Variants in ADSS2 observed in about 807,000 individuals in gnomAD.
The protein encoded by ADSS2 is adenylosuccinate synthase 2.
ADSS2 carries 30 observed loss-of-function variants against 60.0 expected under a neutral mutation model. The ratio of observed to expected loss-of-function variants is 0.50; its 90% CI spans 0.37 to 0.68. The LOEUF (loss-of-function observed/expected upper bound fraction) is 0.68. Among genes scored for constraint, ADSS2 ranks in the 30% least tolerant of loss-of-function variants. The pLI is 0.00. For synonymous variants in ADSS2, 187 were observed against 193.1 expected (o/e 0.97, Z 0.26); for missense variants, 373 against 554.8 (o/e 0.67, Z 3.29).
At chr1:244,437,013 G>A in intron 2 of ADSS2, 120 bp from the exon 3 acceptor site, 1 of 760,114 alleles carries the variant, frequency 1.3e-6, no homozygotes, top group Non-Finnish European at 2.1e-6. Context: ...TTACACAGGA[G>A]TATAATTTAA....
intron 1 of ADSS2, among the ~76,000 whole-genome samples, chr1:244,445,419 T>C (rs1665360518): frequency 6.6e-6 from 1 of 152,244 alleles, no homozygotes. Flanking sequence ...AGGAATGATA[T>C]AATAGTATTT....
intron 5 of ADSS2, 89 bp from the exon 6 acceptor site, chr1:244,424,149 G>T: frequency 1.6e-6 from 2 of 1,225,320 alleles, no homozygotes; most frequent in Non-Finnish European, 2.3e-6. Flanking sequence ...AGTTACATAT[G>T]ACTATTTTCT....
chr1:244,435,299 G>A (rs952520821), intron 3 of ADSS2, among the ~76,000 whole-genome samples: 1 of 151,106 alleles, frequency 6.6e-6, no homozygotes, highest in African/African-American at 2.4e-5. Context: ...TGTATTACAG[G>A]TTGAGTCTCC....
At chr1:244,448,370 T>G (rs1324164973) in intron 1 of ADSS2, among the ~76,000 whole-genome samples, 1 of 152,236 alleles carries the variant, frequency 6.6e-6, no homozygotes, top group Non-Finnish European at 1.5e-5. Context: ...TAATATTTTT[T>G]CAGTATGTTT....
At position 244,437,815 on chromosome 1, in the gene ADSS2, A is replaced by C. The variant is rs761122673; in HGVS notation, c.184-47T>G. 14 of 1,351,192 alleles carry C rather than the reference A, an allele frequency of 1.0e-5. No homozygotes were observed. The South Asian group carries it at 1.6e-4, about 16-fold the overall frequency. The allele number at this position is 1,351,192 out of a possible 1,614,324, so 83.7% of individuals were successfully genotyped here. On this transcript the variant is annotated intron_variant, in intron 1 of 12. Transcript: ENST00000366535. Reference sequence around the variant, plus strand: ...AATTGAGCCTGATGATAAATACTACAAATAACCTATCTCCCTCCAAAGTGA... The same window carrying C: ...AATTGAGCCTGATGATAAATACTACCAATAACCTATCTCCCTCCAAAGTGA...
At chr1:244,434,510 T>C (rs1258106460) in intron 3 of ADSS2, among the ~76,000 whole-genome samples, 1 of 152,250 alleles carries the variant, frequency 6.6e-6, no homozygotes, top group Non-Finnish European at 1.5e-5. Flanking sequence ...TTTTAAAATA[T>C]ATTCCTTATA....
rs1349544549 is a variant in ADSS2, at chr1:244,451,345, C to G, written c.183+290G>C. Among the ~76,000 whole-genome samples the G allele has an allele frequency of 6.6e-6, 1 of 152,186 alleles. No individual in the cohort carries two copies. The highest frequency in any genetic ancestry group is 6.5e-5 in the Admixed American group (1 of 15,284). ...AGTCCCGGCGCTGAGCACCACTCGC[C>G]AGACGCAAAACTGCAACTGCCAGGC... On this transcript the variant is annotated intron_variant, in intron 1 of 12. Coordinates refer to ENST00000366535, the MANE Select transcript of ADSS2 (RefSeq NM_001126.5). This position sits in a 1 kb window ranked among gnomAD's most constrained non-coding sequence, Gnocchi z 6.6.
intron 3 of ADSS2, among the ~76,000 whole-genome samples, chr1:244,434,252 A>C (rs981665542): frequency 6.6e-6 from 1 of 151,882 alleles, no homozygotes; most frequent in Non-Finnish European, 1.5e-5. Context: ...GCTACTCGGG[A>C]GGCCGAAGCA....
rs142102289 is a variant in ADSS2 at position 244,437,682 on chromosome 1, A to T, written c.270T>A (p.Asn90Lys). 13 of 1,590,222 alleles carry T rather than the reference A, an allele frequency of 8.2e-6. No individual in the cohort carries two copies. The East Asian group carries it at 2.7e-4, about 33-fold the overall frequency. ...TATACTTACCAATGAATGCAGTGAC[A>T]TTTGGATTAATTATTCCACTGGGTA... The part of the protein sequence containing the change: ...HLLPSGIINP[N>K]VTAFIGNGVV... Residue 90 changes from asparagine (N) to lysine (K), a missense_variant, in exon 2 of 13, where the codon AAT becomes AAA. Asn to Lys is a moderately conservative substitution (Grantham distance 94). Transcript: ENST00000366535.
chr1:244,426,174 C>G (rs143091912), intron 4 of ADSS2, among the ~76,000 whole-genome samples: 43 of 152,224 alleles, frequency 2.8e-4, no homozygotes, highest in Non-Finnish European at 2.2e-4. Context: ...CCTGATTTTG[C>G]AAATCAGTCA....
At chr1:244,440,155 T>C (rs1448578805) in intron 1 of ADSS2, among the ~76,000 whole-genome samples, 1 of 152,220 alleles carries the variant, frequency 6.6e-6, no homozygotes, top group Non-Finnish European at 1.5e-5. Flanking sequence ...AGGTGCTTTT[T>C]TGTGTGGATA....
rs766537315 is a variant in ADSS2 at position 244,422,864 on chromosome 1, C to G, written c.634G>C (p.Asp212His). 2 of 1,599,584 alleles carry G rather than the reference C, an allele frequency of 1.3e-6. No individual in the cohort carries two copies. The highest frequency in any genetic ancestry group is 8.6e-7 in the Non-Finnish European group (1 of 1,167,516). The part of the protein sequence containing the change: ...YKSIYPTLEI[D>H]IEGELQKLKG... ...AGTTTTTGTAATTCACCTTCAATGTCTATTTCCAAAGTGGGGTATATAGAT... is the reference window on the plus strand; with the variant it reads ...AGTTTTTGTAATTCACCTTCAATGTGTATTTCCAAAGTGGGGTATATAGAT... Residue 212 changes from aspartate (D) to histidine (H), a missense_variant, in exon 7 of 13, where the codon GAC (aspartate) becomes CAC (histidine). Physicochemically the swap from Asp to His is moderately conservative, Grantham distance 81. Transcript: ENST00000366535.
intron 7 of ADSS2, 142 bp from the exon 8 acceptor site, chr1:244,420,438 T>A: frequency 1.5e-6 from 1 of 655,794 alleles, no homozygotes. Context: ...GCTCACTCTA[T>A]TGTAACATTT....
At chr1:244,450,945 C>T in intron 1 of ADSS2, among the ~76,000 whole-genome samples, 1 of 152,158 alleles carries the variant, frequency 6.6e-6, no homozygotes, top group Non-Finnish European at 1.5e-5. Context: ...CCTCTGGGAC[C>T]AACTAGTAAA....
At chr1:244,426,825 C>CT (rs1664816684) in intron 4 of ADSS2, among the ~76,000 whole-genome samples, 1 of 152,134 alleles carries the variant, frequency 6.6e-6, no homozygotes, top group Admixed American at 6.6e-5. Flanking sequence ...GCTCCTTTCT[C>CT]TGAGTTACTA....
At chr1:244,420,349 T>A (rs900070209) in intron 7 of ADSS2, 53 bp from the exon 8 acceptor site, 11 of 1,463,144 alleles carry the variant, frequency 7.5e-6, no homozygotes, top group Middle Eastern at 2.0e-4. Context: ...ACGTTTAACA[T>A]AACCAGAACA....
intron 1 of ADSS2, among the ~76,000 whole-genome samples, chr1:244,439,259 T>A (rs545315288): frequency 1.3e-5 from 2 of 152,306 alleles, no homozygotes; most frequent in South Asian, 4.1e-4. Context: ...AGTACTCCAC[T>A]TTGTTTATGT....
chr1:244,441,330 T>C (rs2148011950), intron 1 of ADSS2, among the ~76,000 whole-genome samples: 1 of 152,272 alleles, frequency 6.6e-6, no homozygotes, highest in South Asian at 2.1e-4. Context: ...AGTGCTGGGA[T>C]TACAGGCGTG....
At chr1:244,410,311 G>A (rs767956593) in intron 12 of ADSS2, among the ~76,000 whole-genome samples, 1 of 152,038 alleles carries the variant, frequency 6.6e-6, no homozygotes, top group Non-Finnish European at 1.5e-5. Context: ...TTTACACGGA[G>A]GACACATCCC....
Sources: allele counts gnomAD v4.1 joint callset (sites outside exome capture counted in the v4.1 genomes callset), GRCh38; gene constraint gnomAD v4.1.1; non-coding constraint Gnocchi (gnomAD v3.1); transcripts MANE v1.5; gene names NCBI Gene and HGNC (gene_info 2026-07-23, HGNC 2026-07-21).